The following MEGF9 variants were observed in gnomAD, a reference collection of about 807,000 sequenced individuals.
MEGF9 encodes multiple epidermal growth factor-like domains protein 9.
In MEGF9, 6 loss-of-function variants were observed where a neutral mutation model predicts 46.8. The ratio of observed to expected loss-of-function variants is 0.13; its 90% confidence interval spans 0.07 to 0.25. The LOEUF is 0.25. Among genes scored for constraint, MEGF9 ranks in the 10% least tolerant of loss-of-function variants. MEGF9 has a pLI of 1.00. For synonymous variants in MEGF9, 302 were observed against 330.7 expected, an observed-to-expected ratio of 0.91 and a Z score of 0.94; for missense variants, 683 against 792.4, an observed-to-expected ratio of 0.86 and a Z score of 1.66.
At chr9:120,624,634 A>G (rs965774095) in intron 2 of MEGF9, among the ~76,000 whole-genome samples, 2 of 152,132 alleles carry the variant, frequency 1.3e-5, no homozygotes, top group Admixed American at 1.3e-4. Flanking sequence ...TGGGAGGCTG[A>G]GGTGGGTGGG....
At position 120,686,535 on chromosome 9, in the gene MEGF9, A is replaced by G. The variant is rs541590063; in HGVS notation, c.602-26960T>C. 3.3e-5 allele frequency among the ~76,000 whole-genome samples: 5 copies of G among 152,374 alleles called. 1 individual carries two copies. In the East Asian group the frequency reaches 5.8e-4, roughly 18 times the overall value. Reference sequence around the variant, plus strand: ...TATGTTTTTTAACCCATAATTTGAAAAGGAGAGAGGGAGCTATCATGATAC... The same window carrying G: ...TATGTTTTTTAACCCATAATTTGAAGAGGAGAGAGGGAGCTATCATGATAC... On this transcript the variant is annotated intron_variant, in intron 1 of 5. Transcript: ENST00000373930.
At chr9:120,679,005 G>T (rs1328309075) in intron 1 of MEGF9, among the ~76,000 whole-genome samples, 1 of 152,146 alleles carries the variant, frequency 6.6e-6, no homozygotes, top group Non-Finnish European at 1.5e-5. Flanking sequence ...GGAGAAATAG[G>T]AACACTTTTA....
At chr9:120,608,267 A>T (rs1357751830) in intron 4 of MEGF9, among the ~76,000 whole-genome samples, 5 of 152,158 alleles carry the variant, frequency 3.3e-5, no homozygotes, top group African/African-American at 1.2e-4. Flanking sequence ...TTAAACTAAT[A>T]ATCTATAATC....
intron 1 of MEGF9, 66 bp downstream of exon 1, chr9:120,713,692 C>A: frequency 8.0e-7 from 1 of 1,251,990 alleles, no homozygotes; most frequent in Non-Finnish European, 1.0e-6. Context: ...TAGGCAAGAG[C>A]CCAACCCTAG....
At chr9:120,638,620 G>A (rs1158554) in intron 2 of MEGF9, among the ~76,000 whole-genome samples, 90,221 of 152,078 alleles carry the variant, frequency 0.59, 29,249 homozygotes, top group South Asian at 0.75. Context: ...CATCAGCAAC[G>A]GAATAATGGT....
At chr9:120,648,541 C>G (rs4142158) in intron 2 of MEGF9, among the ~76,000 whole-genome samples, 1 of 151,802 alleles carries the variant, frequency 6.6e-6, no homozygotes, top group Non-Finnish European at 1.5e-5. Flanking sequence ...AAGATCTCCC[C>G]GAATGTTTGC....
At chr9:120,711,867 A>ACACACACACACC (rs2043955064) in intron 1 of MEGF9, among the ~76,000 whole-genome samples, 1 of 150,192 alleles carries the variant, frequency 6.7e-6, no homozygotes, top group African/African-American at 2.5e-5. Context: ...ACACACACAC[A>ACACACACACACC]CACACCCACA....
chr9:120,695,652 A>G (rs2043873352), intron 1 of MEGF9, among the ~76,000 whole-genome samples: 2 of 151,556 alleles, frequency 1.3e-5, no homozygotes, highest in South Asian at 2.1e-4. Flanking sequence ...AAACTATGTA[A>G]TGTTAGGAAG....
chr9:120,693,763 T>C (rs578214808), intron 1 of MEGF9, among the ~76,000 whole-genome samples: 85 of 152,180 alleles, frequency 5.6e-4, no homozygotes, highest in Non-Finnish European at 7.1e-4. Flanking sequence ...CCAACTTGTG[T>C]TTCATGTTTT....
intron 1 of MEGF9, among the ~76,000 whole-genome samples, chr9:120,666,106 T>A (rs181746936): frequency 9.3e-4 from 142 of 152,328 alleles, no homozygotes; most frequent in Admixed American, 3.1e-3. Context: ...GGGTTTTTTT[T>A]AAAATTTCTG....
intron 2 of MEGF9, among the ~76,000 whole-genome samples, chr9:120,629,759 C>A (rs1188514931): frequency 1.3e-5 from 2 of 151,946 alleles, no homozygotes; most frequent in Admixed American, 6.6e-5. Context: ...TATGGTGAAA[C>A]CCGTCTCTAC....
rs1003119629 is a variant in MEGF9, at chr9:120,600,901, A to T, written c.*4289T>A. On this transcript the variant is annotated 3_prime_UTR_variant, in exon 6 of 6. Transcript: ENST00000373930. ...CATGAAACAACTCTGACCACACAAA[A>T]AAGTAAACAACAAATCTACAATAGG... is the stretch of plus-strand genomic sequence containing the variant. 2.0e-5 allele frequency: 3 copies of T among 152,660 alleles called. No individual in the cohort carries two copies. The highest frequency in any genetic ancestry group is 7.2e-5 in the African/African-American group (3 of 41,460). 9.5% of individuals were successfully genotyped at this position (152,660 alleles called of 1,614,324 possible). A position where few individuals can be genotyped will look rare whatever the true frequency, so the allele number is the denominator to read the frequency against.
At chr9:120,695,316 A>T (rs972404628) in intron 1 of MEGF9, among the ~76,000 whole-genome samples, 6 of 152,130 alleles carry the variant, frequency 3.9e-5, no homozygotes, top group Non-Finnish European at 8.8e-5. Flanking sequence ...AAAAGCAAGT[A>T]ATCAAAAGGT....
At chr9:120,699,178 A>T (rs796719315) in intron 1 of MEGF9, among the ~76,000 whole-genome samples, 48 of 152,220 alleles carry the variant, frequency 3.2e-4, no homozygotes, top group African/African-American at 1.1e-3. Context: ...AATGTGGTGA[A>T]TTTTTTCACA....
intron 2 of MEGF9, among the ~76,000 whole-genome samples, chr9:120,644,284 A>G (rs1430193233): frequency 2.0e-5 from 3 of 152,096 alleles, no homozygotes; most frequent in East Asian, 1.9e-4. Flanking sequence ...ATTTCCCTCA[A>G]TTTGGGTTTG....
rs6478481 is a variant in MEGF9, at chr9:120,622,510, A to G, written c.943+106T>C. 4,793 of 1,209,064 alleles carry G rather than the reference A, an allele frequency of 4.0e-3. 150 individuals carry two copies. In the African/African-American group the frequency reaches 0.067, roughly 17 times the overall value. The allele number at this position is 1,209,064 out of a possible 1,614,324, so 74.9% of individuals were successfully genotyped here. On this transcript the variant is annotated intron_variant, in intron 3 of 5. Transcript: ENST00000373930. ...ATCTAGTACATCCTACTTAGAAGAT[A>G]AAGGCCCTTCCAAACTATTTCAGAA...
intron 2 of MEGF9, among the ~76,000 whole-genome samples, chr9:120,647,937 C>T (rs2132316376): frequency 6.6e-6 from 1 of 152,162 alleles, no homozygotes; most frequent in East Asian, 1.9e-4. Context: ...CTTTCTCTTT[C>T]TCTCTCTCTC....
intron 1 of MEGF9, among the ~76,000 whole-genome samples, chr9:120,709,278 G>A (rs1392330666): frequency 6.6e-6 from 1 of 152,010 alleles, no homozygotes; most frequent in African/African-American, 2.4e-5. Flanking sequence ...GTAGCAGGGT[G>A]TGGTGGCATG....
intron 3 of MEGF9, among the ~76,000 whole-genome samples, chr9:120,614,017 AT>A (rs5900454): frequency 0.62 from 91,055 of 147,268 alleles, 28,746 homozygotes; most frequent in South Asian, 0.74. Context: ...AAAAAGCTCA[AT>A]TTTTTTTTTT....
Sources: allele counts gnomAD v4.1 joint callset (sites outside exome capture counted in the v4.1 genomes callset), GRCh38; gene constraint gnomAD v4.1.1; transcripts MANE v1.5; gene names NCBI Gene and HGNC (gene_info 2026-07-23, HGNC 2026-07-21).